Variants in ADCY2 observed in about 807,000 individuals in gnomAD.
The protein encoded by ADCY2 is adenylate cyclase type 2.
ADCY2 carries 31 observed loss-of-function variants against 125.2 expected under a neutral mutation model. The observed-to-expected ratio is 0.25, with a 90% CI of 0.19 to 0.33. The LOEUF (loss-of-function observed/expected upper bound fraction) is 0.33. Among genes scored for constraint, ADCY2 ranks in the 10% least tolerant of loss-of-function variants. The pLI is 1.00. For synonymous variants in ADCY2, 512 were observed against 548.4 expected, an observed-to-expected ratio of 0.93 and a Z score of 0.93; for missense variants, 904 against 1,418.2, an observed-to-expected ratio of 0.64 and a Z score of 5.82.
In ADCY2 at chr5:7,525,661, G is replaced by A. The variant is rs1367604742; in HGVS notation, c.570+4762G>A. Among the ~76,000 whole-genome samples, 5 of 148,368 alleles carry A rather than the reference G, an allele frequency of 3.4e-5. No individual in the cohort carries two copies. The East Asian group carries it at 5.9e-4, about 17-fold the overall frequency. ...ATTTACATCTACATTATAGATGTGTGTGTGTGTGTGTGTGTGTGTTTGTAT... is the reference window on the plus strand; with the variant it reads ...ATTTACATCTACATTATAGATGTGTATGTGTGTGTGTGTGTGTGTTTGTAT... On this transcript the variant is annotated intron_variant, in intron 3 of 24. Coordinates refer to ENST00000338316, the MANE Select transcript of ADCY2 (RefSeq NM_020546.3).
chr5:7,648,607 C>T (rs1031006766), intron 4 of ADCY2, among the ~76,000 whole-genome samples: 1 of 151,964 alleles, frequency 6.6e-6, no homozygotes, highest in Non-Finnish European at 1.5e-5. Context: ...AAAATCCCTG[C>T]GGGGTTAGAA....
intron 3 of ADCY2, among the ~76,000 whole-genome samples, chr5:7,528,074 T>C (rs994479984): frequency 2.0e-5 from 3 of 152,184 alleles, no homozygotes; most frequent in Non-Finnish European, 2.9e-5. Flanking sequence ...ATCCATCTCT[T>C]AGGTTTCGCA....
At chr5:7,804,751 C>G (rs1376816240) in intron 22 of ADCY2, 59 bp downstream of exon 22, 122 of 1,301,644 alleles carry the variant, frequency 9.4e-5, no homozygotes, top group Non-Finnish European at 1.3e-4. Flanking sequence ...CACAAACCAC[C>G]CTGGGACCAA....
chr5:7,774,342 T>A (rs894360230), intron 18 of ADCY2, among the ~76,000 whole-genome samples: 10 of 152,244 alleles, frequency 6.6e-5, no homozygotes, highest in African/African-American at 2.2e-4. Flanking sequence ...AGAATGGAAG[T>A]TAATTTTCCA....
chr5:7,506,603 C>A (rs1482401467), intron 2 of ADCY2, among the ~76,000 whole-genome samples: 1 of 152,064 alleles, frequency 6.6e-6, no homozygotes, highest in Admixed American at 6.6e-5. Flanking sequence ...TTAAGTAATT[C>A]CTAAGTCCGA....
At chr5:7,403,660 A>G (rs1022601241) in intron 1 of ADCY2, among the ~76,000 whole-genome samples, 18 of 152,184 alleles carry the variant, frequency 1.2e-4, no homozygotes, top group African/African-American at 4.3e-4. Flanking sequence ...TAAACTTCAT[A>G]TTGAAATTGG....
intron 16 of ADCY2, among the ~76,000 whole-genome samples, chr5:7,759,302 C>T (rs1423391368): frequency 1.3e-5 from 2 of 152,218 alleles, no homozygotes; most frequent in African/African-American, 2.4e-5. Flanking sequence ...GTGGGCTCCC[C>T]AGGCATGCGG....
intron 3 of ADCY2, among the ~76,000 whole-genome samples, chr5:7,540,920 T>G (rs1734975215): frequency 6.6e-6 from 1 of 152,206 alleles, no homozygotes; most frequent in Non-Finnish European, 1.5e-5. Flanking sequence ...CGTCCTGTAC[T>G]TTGGAGTTGT....
In ADCY2 at chr5:7,398,012, C is replaced by A. The variant is rs55971564; in HGVS notation, c.210+1506C>A. Among the ~76,000 whole-genome samples the A allele has an allele frequency of 7.6e-3, 1,155 of 152,292 alleles. 6 individuals carry two copies. Among genetic ancestry groups the A allele is most frequent in the Non-Finnish European group, 0.012 (822 of 68,028 alleles). ...ACTTCTGCTCAGTCTCATGGGCAAG[C>A]AGGATCTCTAAAGTCATCTACTTAT... On this transcript the variant is annotated intron_variant, in intron 1 of 24. Coordinates refer to ENST00000338316, the MANE Select transcript of ADCY2 (RefSeq NM_020546.3).
chr5:7,665,897 G>A (rs1182623730), intron 4 of ADCY2, among the ~76,000 whole-genome samples: 11 of 123,678 alleles, frequency 8.9e-5, no homozygotes, highest in African/African-American at 3.5e-4. Context: ...GGAGTGCAGT[G>A]GTGCCATCTC....
chr5:7,543,796 A>G lies in ADCY2; in HGVS notation c.570+22897A>G, dbSNP rs552145102. Among the ~76,000 whole-genome samples, 34 of 151,880 alleles carry G rather than the reference A, an allele frequency of 2.2e-4. No individual in the cohort carries two copies. The East Asian group carries it at 5.3e-3, about 23-fold the overall frequency. ...TGGGAGGCCGAGGTGGGCGGATCAC[A>G]AGGTCAGGAGATTGAGACCATCCTG... On this transcript the variant is annotated intron_variant, in intron 3 of 24. Coordinates refer to ENST00000338316, the MANE Select transcript of ADCY2 (RefSeq NM_020546.3).
chr5:7,813,390 T>C (rs1385824401), intron 22 of ADCY2, among the ~76,000 whole-genome samples: 1 of 152,238 alleles, frequency 6.6e-6, no homozygotes, highest in Non-Finnish European at 1.5e-5. Flanking sequence ...ACTTGGGTTA[T>C]AAAATCATCT....
intron 2 of ADCY2, among the ~76,000 whole-genome samples, chr5:7,466,165 C>T (rs1309802999): frequency 6.6e-6 from 1 of 152,092 alleles, no homozygotes; most frequent in African/African-American, 2.4e-5. Flanking sequence ...AAATGTTTAT[C>T]TATGACTGCT....
chr5:7,404,641 A>G (rs890139285), intron 1 of ADCY2, among the ~76,000 whole-genome samples: 1 of 152,278 alleles, frequency 6.6e-6, no homozygotes, highest in African/African-American at 2.4e-5. Flanking sequence ...ACTTTCATTC[A>G]TTTTTTTATT....
intron 4 of ADCY2, among the ~76,000 whole-genome samples, chr5:7,653,441 T>C (rs1411195403): frequency 6.6e-6 from 1 of 152,048 alleles, no homozygotes; most frequent in Non-Finnish European, 1.5e-5. Context: ...CCATCTCTAC[T>C]AAAAATACAA....
At chr5:7,654,347 C>A (rs1414143180) in intron 4 of ADCY2, among the ~76,000 whole-genome samples, 2 of 151,980 alleles carry the variant, frequency 1.3e-5, no homozygotes, top group Non-Finnish European at 2.9e-5. Context: ...AAAACGGGAT[C>A]GAGAGAAGGT....
intron 2 of ADCY2, among the ~76,000 whole-genome samples, chr5:7,444,410 G>C (rs1963032): frequency 0.8 from 121,359 of 151,528 alleles, 49,083 homozygotes; most frequent in African/African-American, 0.86. Flanking sequence ...CCACCGCGCC[G>C]GGGCTGTTTT....
chr5:7,533,431 A>T (rs1734715774), intron 3 of ADCY2, among the ~76,000 whole-genome samples: 1 of 152,026 alleles, frequency 6.6e-6, no homozygotes, highest in African/African-American at 2.4e-5. Context: ...TCAAGAAATG[A>T]ATTTGGGATA....
At chr5:7,555,883 C>CACAG (rs146786610) in intron 3 of ADCY2, among the ~76,000 whole-genome samples, 22,615 of 150,936 alleles carry the variant, frequency 0.15, 2,061 homozygotes, top group Non-Finnish European at 0.21. Context: ...CACACACACA[C>CACAG]AGACATGATT....
Sources: allele counts gnomAD v4.1 joint callset (sites outside exome capture counted in the v4.1 genomes callset), GRCh38; gene constraint gnomAD v4.1.1; transcripts MANE v1.5; gene names NCBI Gene and HGNC (gene_info 2026-07-23, HGNC 2026-07-21).